The following MGAT5 variants were observed in gnomAD, a reference collection of about 807,000 sequenced individuals.
MGAT5 encodes alpha-1,6-mannosylglycoprotein 6-beta-N-acetylglucosaminyltransferase.
In MGAT5, 30 loss-of-function variants were observed where a neutral mutation model predicts 94.3. The ratio of observed to expected loss-of-function variants is 0.32; its 90% CI spans 0.24 to 0.43. The LOEUF (loss-of-function observed/expected upper bound fraction) is 0.43, where lower values mean the gene tolerates loss of function less well. MGAT5 is among the 20% of genes least tolerant of loss of function. The probability of loss-of-function intolerance (pLI) is 1.00; values close to 1 mark genes in which losing one functional copy is unlikely to be tolerated. For missense variants in MGAT5, 691 were observed against 905.5 expected (o/e 0.76, Z 3.04); for synonymous variants, 310 against 322.9 (o/e 0.96, Z 0.43).
chr2:134,408,566 T>C (rs1448702594), intron 11 of MGAT5, among the ~76,000 whole-genome samples: 1 of 152,054 alleles, frequency 6.6e-6, no homozygotes, highest in African/African-American at 2.4e-5. Flanking sequence ...GCTTGGTGAG[T>C]CTTCTTTTCT....
chr2:134,305,087 A>G (rs149373954), intron 2 of MGAT5, among the ~76,000 whole-genome samples: 3 of 110,748 alleles, frequency 2.7e-5, no homozygotes, highest in Admixed American at 9.0e-5. Flanking sequence ...AGCTTCTTTT[A>G]TACATTCTCT....
intron 1 of MGAT5, among the ~76,000 whole-genome samples, chr2:134,214,460 A>G (rs112124573): frequency 0.021 from 3,208 of 152,278 alleles, 110 homozygotes; most frequent in African/African-American, 0.073. Context: ...ATGAGCTACA[A>G]AAATTGCAAA....
At chr2:134,186,376 G>A (rs552695681) in intron 1 of MGAT5, among the ~76,000 whole-genome samples, 6 of 151,092 alleles carry the variant, frequency 4.0e-5, no homozygotes, top group East Asian at 2.1e-4. Context: ...CCCTGGAGTC[G>A]TTTCTTTTTT....
chr2:134,434,063 G>A (rs1219774897), intron 14 of MGAT5, among the ~76,000 whole-genome samples: 1 of 152,200 alleles, frequency 6.6e-6, no homozygotes, highest in South Asian at 2.1e-4. Flanking sequence ...TCTCTGACTG[G>A]CCCTTCTGTT....
chr2:134,416,891 C>T (rs1684007511), intron 12 of MGAT5, among the ~76,000 whole-genome samples: 1 of 151,496 alleles, frequency 6.6e-6, no homozygotes, highest in Non-Finnish European at 1.5e-5. Flanking sequence ...CAGCATGAGT[C>T]ACCATGCCTG....
intron 15 of MGAT5, among the ~76,000 whole-genome samples, chr2:134,442,940 A>T (rs1685567455): frequency 6.6e-6 from 1 of 151,920 alleles, no homozygotes; most frequent in South Asian, 2.1e-4. Context: ...CTTGAAGAGG[A>T]TGTTTAGGAA....
At chr2:134,310,617 A>G (rs1178624546) in intron 2 of MGAT5, among the ~76,000 whole-genome samples, 1 of 152,128 alleles carries the variant, frequency 6.6e-6, no homozygotes, top group Non-Finnish European at 1.5e-5. Context: ...TGACTTCTCA[A>G]TTGCTTTGTT....
At chr2:134,437,783 G>A (rs1032530133) in intron 14 of MGAT5, among the ~76,000 whole-genome samples, 13 of 152,186 alleles carry the variant, frequency 8.5e-5, no homozygotes, top group Non-Finnish European at 1.8e-4. Flanking sequence ...GGGAGGCTGA[G>A]GCAAGCGAAT....
At chr2:134,320,580 C>G (rs1687255190) in intron 4 of MGAT5, among the ~76,000 whole-genome samples, 1 of 152,136 alleles carries the variant, frequency 6.6e-6, no homozygotes, top group Non-Finnish European at 1.5e-5. Context: ...CATGCCTCCA[C>G]AGACCCTCTG....
At chr2:134,195,192 A>G (rs1487499880) in intron 1 of MGAT5, among the ~76,000 whole-genome samples, 2 of 152,188 alleles carry the variant, frequency 1.3e-5, no homozygotes, top group East Asian at 3.8e-4. Flanking sequence ...TCCTAAACCA[A>G]TGGCTCATTT....
At chr2:134,233,316 T>A (rs1681464656) in intron 1 of MGAT5, among the ~76,000 whole-genome samples, 1 of 152,200 alleles carries the variant, frequency 6.6e-6, no homozygotes, top group Non-Finnish European at 1.5e-5. Flanking sequence ...TTCAGTGGAA[T>A]GGATTTCAGA....
Position 134,449,045 on chromosome 2 carries a change from A to G in MGAT5, c.*198A>G, listed in dbSNP as rs950417105. On this transcript the variant is annotated 3_prime_UTR_variant, in exon 16 of 16. Coordinates refer to ENST00000281923, the MANE Select transcript of MGAT5 (RefSeq NM_002410.5). ...CTTCACCAAAACAAAACAAGAGCGT[A>G]TGTCAGGCCAGGAGCCTGGCTTGTC... The G allele has an allele frequency of 3.4e-6, 2 of 596,786 alleles. No homozygotes were observed. Among genetic ancestry groups the G allele is most frequent in the Non-Finnish European group, 3.0e-6 (1 of 336,860 alleles). 37.0% of individuals were successfully genotyped at this position (596,786 alleles called of 1,614,324 possible). A position where few individuals can be genotyped will look rare whatever the true frequency, so the allele number is the denominator to read the frequency against.
intron 2 of MGAT5, among the ~76,000 whole-genome samples, chr2:134,282,288 G>T (rs1684743304): frequency 6.6e-6 from 1 of 152,228 alleles, no homozygotes; most frequent in Non-Finnish European, 1.5e-5. Context: ...GCCATGCCGG[G>T]CTGGGTGTAC....
At chr2:134,265,040 C>T (rs1250650310) in intron 1 of MGAT5, among the ~76,000 whole-genome samples, 2 of 152,208 alleles carry the variant, frequency 1.3e-5, no homozygotes, top group Non-Finnish European at 2.9e-5. Flanking sequence ...TCTGCAGATC[C>T]GGATTTAGTG....
At chr2:134,304,172 T>C (rs891408885) in intron 2 of MGAT5, among the ~76,000 whole-genome samples, 2 of 152,208 alleles carry the variant, frequency 1.3e-5, no homozygotes, top group Non-Finnish European at 2.9e-5. Context: ...GTCTGAATTA[T>C]CTGTTACCAC....
chr2:134,268,167 C>T lies in MGAT5; in HGVS notation c.242-2219C>T, dbSNP rs560747097. Among the ~76,000 whole-genome samples, 18 of 152,232 alleles carry T rather than the reference C, an allele frequency of 1.2e-4. No individual in the cohort carries two copies. Among genetic ancestry groups the T allele is most frequent in the South Asian group, 2.1e-4 (1 of 4,820 alleles). On this transcript the variant is annotated intron_variant, in intron 1 of 15. Transcript: ENST00000281923. The surrounding 1 kb of genome is among the most constrained non-coding windows in gnomAD (Gnocchi z 4.1). ...ACCCGGCCCAAAGTGTCAGTAGTGC[C>T]GAGGTTGAGAAATCCTGAGTTAAGT...
intron 13 of MGAT5, among the ~76,000 whole-genome samples, chr2:134,426,257 C>A (rs903314338): frequency 2.0e-5 from 3 of 152,174 alleles, no homozygotes; most frequent in African/African-American, 7.2e-5. Flanking sequence ...ATCTCTCCCT[C>A]CTTTTTGCTT....
chr2:134,205,548 C>G (rs1679986027), intron 1 of MGAT5, among the ~76,000 whole-genome samples: 1 of 152,166 alleles, frequency 6.6e-6, no homozygotes, highest in South Asian at 2.1e-4. Flanking sequence ...CTTTGTGCGT[C>G]TGTCAGAAAG....
intron 1 of MGAT5, among the ~76,000 whole-genome samples, chr2:134,231,606 T>A (rs893294553): frequency 2.0e-5 from 3 of 152,182 alleles, no homozygotes; most frequent in African/African-American, 7.2e-5. Flanking sequence ...AGTGAAATAA[T>A]TAGTTGCTTG....
Sources: gnomAD v4.1 joint callset for allele counts (sites outside exome capture counted in the v4.1 genomes callset) on GRCh38, gnomAD v4.1.1 for gene constraint, Gnocchi (gnomAD v3.1) non-coding constraint, MANE v1.5 for transcripts, NCBI Gene and HGNC (gene_info 2026-07-23, HGNC 2026-07-21) for gene names.